Variants in THSD7B observed in about 807,000 individuals in gnomAD.
THSD7B encodes thrombospondin type-1 domain-containing protein 7B.
THSD7B carries 138 observed loss-of-function variants against 213.6 expected under a neutral mutation model. The observed-to-expected ratio is 0.65, with a 90% confidence interval of 0.56 to 0.74. THSD7B has a LOEUF of 0.74. Ranked by LOEUF, THSD7B falls within the 30% of genes least tolerant of loss-of-function variation. THSD7B has a pLI of 0.00. For synonymous variants in THSD7B, 742 were observed against 687.0 expected (o/e 1.08, Z -1.25); for missense variants, 1,931 against 1,991.5 (o/e 0.97, Z 0.58).
intron 15 of THSD7B, among the ~76,000 whole-genome samples, chr2:137,556,264 A>G (rs1281458581): frequency 6.6e-6 from 1 of 152,222 alleles, no homozygotes; most frequent in East Asian, 1.9e-4. Flanking sequence ...GTTGAAATGA[A>G]GCAAAAAATG....
chr2:137,273,576 C>T (rs1192078031), intron 11 of THSD7B, among the ~76,000 whole-genome samples: 1 of 152,032 alleles, frequency 6.6e-6, no homozygotes, highest in Non-Finnish European at 1.5e-5. Flanking sequence ...GAAACTAAAC[C>T]TAAAGCTGTG....
At chr2:137,671,572 T>C (rs1350000137) in intron 27 of THSD7B, among the ~76,000 whole-genome samples, 1 of 152,126 alleles carries the variant, frequency 6.6e-6, no homozygotes, top group Non-Finnish European at 1.5e-5. Context: ...GCAGAATGGA[T>C]TGAGTGCTGA....
At position 136,943,739 on chromosome 2, in the gene THSD7B, AT is replaced by A. The variant is rs1185102576; in HGVS notation, c.139+61428del. The stretch of plus-strand genomic sequence containing the variant: ...GATCAGTGGTGATTTCCCCTTTATC[AT>A]TTTTTATTGCCTCTATTTGATTCTT... On this transcript the variant is annotated intron_variant, in intron 2 of 27. Coordinates refer to ENST00000409968, the MANE Select transcript of THSD7B (RefSeq NM_001316349.2). 5.3e-5 allele frequency among the ~76,000 whole-genome samples: 8 copies of A among 152,120 alleles called. No individual in the cohort carries two copies. The East Asian group carries it at 9.7e-4, about 18-fold the overall frequency.
intron 2 of THSD7B, among the ~76,000 whole-genome samples, chr2:136,912,390 C>A (rs566391403): frequency 6.9e-6 from 1 of 145,872 alleles, no homozygotes; most frequent in South Asian, 2.2e-4. Flanking sequence ...GGTATGTGTG[C>A]GAGACTCCCT....
chr2:136,825,877 A>T (rs1682640038), intron 1 of THSD7B, among the ~76,000 whole-genome samples: 1 of 151,916 alleles, frequency 6.6e-6, no homozygotes, highest in South Asian at 2.1e-4. Context: ...AAGTACACAT[A>T]TGACTAGATT....
intron 12 of THSD7B, among the ~76,000 whole-genome samples, chr2:137,313,471 CTG>C (rs1291409267): frequency 6.6e-6 from 1 of 151,700 alleles, no homozygotes; most frequent in African/African-American, 2.4e-5. Flanking sequence ...ATTTGCCAGT[CTG>C]TGTCTTTTAA....
intron 10 of THSD7B, among the ~76,000 whole-genome samples, chr2:137,257,490 C>G (rs1682337492): frequency 6.6e-6 from 1 of 152,176 alleles, no homozygotes; most frequent in African/African-American, 2.4e-5. Context: ...AAAGTCCCCA[C>G]ATTCCCATCT....
intron 17 of THSD7B, among the ~76,000 whole-genome samples, chr2:137,604,243 A>G (rs554983165): frequency 6.6e-6 from 1 of 152,338 alleles, no homozygotes; most frequent in African/African-American, 2.4e-5. Context: ...GACTATTTCA[A>G]CTTTTTAAAT....
At chr2:137,303,047 G>C (rs1217655123) in intron 12 of THSD7B, among the ~76,000 whole-genome samples, 2 of 152,136 alleles carry the variant, frequency 1.3e-5, no homozygotes, top group Non-Finnish European at 2.9e-5. Flanking sequence ...CTGTCACCCA[G>C]GTTGGAGTGC....
At chr2:137,428,146 G>A (rs1383249875) in intron 14 of THSD7B, among the ~76,000 whole-genome samples, 1 of 151,984 alleles carries the variant, frequency 6.6e-6, no homozygotes, top group African/African-American at 2.4e-5. Context: ...TATGATCCAA[G>A]GATTTAAGTA....
chr2:136,914,708 C>G (rs1281938036), intron 2 of THSD7B, among the ~76,000 whole-genome samples: 1 of 152,146 alleles, frequency 6.6e-6, no homozygotes, highest in Non-Finnish European at 1.5e-5. Flanking sequence ...TTTCACCCCC[C>G]ACCATAATTC....
At chr2:137,518,886 C>G (rs899833667) in intron 15 of THSD7B, among the ~76,000 whole-genome samples, 5 of 152,146 alleles carry the variant, frequency 3.3e-5, no homozygotes, top group African/African-American at 1.2e-4. Flanking sequence ...CGGCCAGCTA[C>G]TTGGTGGCAG....
chr2:137,610,404 A>G (rs1682266802), intron 17 of THSD7B, among the ~76,000 whole-genome samples: 1 of 152,148 alleles, frequency 6.6e-6, no homozygotes. Flanking sequence ...CCAGGGCATT[A>G]GCAGGGGCGA....
intron 1 of THSD7B, among the ~76,000 whole-genome samples, chr2:136,838,721 G>A (rs1682877812): frequency 6.6e-6 from 1 of 152,188 alleles, no homozygotes; most frequent in African/African-American, 2.4e-5. Context: ...GACTGGGGGT[G>A]GCCATTTTGA....
At chr2:136,827,269 A>G (rs1002114559) in intron 1 of THSD7B, among the ~76,000 whole-genome samples, 1 of 152,200 alleles carries the variant, frequency 6.6e-6, no homozygotes. Context: ...TATCCACAAT[A>G]CTTAGAAAAC....
intron 15 of THSD7B, among the ~76,000 whole-genome samples, chr2:137,485,902 A>C (rs559801711): frequency 4.4e-4 from 67 of 152,278 alleles, no homozygotes; most frequent in Non-Finnish European, 8.2e-4. Flanking sequence ...ACTAAGCTTC[A>C]TAAGTGAAGG....
At chr2:137,068,288 C>T (rs1297287853) in intron 3 of THSD7B, among the ~76,000 whole-genome samples, 1 of 151,952 alleles carries the variant, frequency 6.6e-6, no homozygotes, top group Non-Finnish European at 1.5e-5. Flanking sequence ...CGTATTGAAC[C>T]AAAGCATTTT....
intron 12 of THSD7B, among the ~76,000 whole-genome samples, chr2:137,282,758 G>A (rs1001387771): frequency 2.6e-5 from 4 of 151,858 alleles, no homozygotes; most frequent in African/African-American, 4.8e-5. Context: ...TATTCCATTG[G>A]TCTATATCTC....
intron 2 of THSD7B, among the ~76,000 whole-genome samples, chr2:136,936,327 C>A (rs1261889170): frequency 6.6e-6 from 1 of 152,034 alleles, no homozygotes; most frequent in African/African-American, 2.4e-5. Context: ...TGGGTACCCA[C>A]CCAGAAGAAA....
Sources: allele counts gnomAD v4.1 joint callset (sites outside exome capture counted in the v4.1 genomes callset), GRCh38; gene constraint gnomAD v4.1.1; transcripts MANE v1.5; gene names NCBI Gene and HGNC (gene_info 2026-07-23, HGNC 2026-07-21).